Variants in BTRC observed in about 807,000 individuals in gnomAD.
BTRC encodes the protein F-box/WD repeat-containing protein 1A.
In BTRC, 42 loss-of-function variants were observed where a neutral mutation model predicts 85.5. That is an observed-to-expected ratio of 0.49 (90% CI 0.38 to 0.64). BTRC has a LOEUF of 0.64. Ranked by LOEUF, BTRC falls within the 30% of genes least tolerant of loss-of-function variation. The probability of loss-of-function intolerance (pLI) is 0.00; values close to 1 mark genes in which losing one functional copy is unlikely to be tolerated. For synonymous variants in BTRC, 255 were observed against 263.3 expected, an observed-to-expected ratio of 0.97 and a Z score of 0.30; for missense variants, 594 against 743.5, an observed-to-expected ratio of 0.80 and a Z score of 2.34.
At chr10:101,363,308 A>T (rs950265150) in intron 1 of BTRC, among the ~76,000 whole-genome samples, 1 of 152,206 alleles carries the variant, frequency 6.6e-6, no homozygotes, top group Non-Finnish European at 1.5e-5. Flanking sequence ...ACTTACGTGC[A>T]GTATACTTCC....
At chr10:101,430,633 C>T (rs1020623865) in intron 2 of BTRC, among the ~76,000 whole-genome samples, 181 bp downstream of exon 2, 4 of 152,130 alleles carry the variant, frequency 2.6e-5, no homozygotes, top group Admixed American at 2.0e-4. Context: ...CCAGACTGAT[C>T]CACTCTTAAG....
At chr10:101,432,490 C>A (rs1053187239) in intron 2 of BTRC, among the ~76,000 whole-genome samples, 8 of 152,092 alleles carry the variant, frequency 5.3e-5, no homozygotes, top group South Asian at 2.1e-4. Flanking sequence ...AATCCATAGT[C>A]TAGTTTGTTG....
At chr10:101,499,102 A>G (rs998578627) in intron 4 of BTRC, among the ~76,000 whole-genome samples, 3 of 152,128 alleles carry the variant, frequency 2.0e-5, no homozygotes, top group Non-Finnish European at 1.5e-5. Flanking sequence ...TCATATGACA[A>G]TTGTAGGAAG....
chr10:101,505,794 T>G (rs1244717933), intron 4 of BTRC, among the ~76,000 whole-genome samples: 1 of 152,174 alleles, frequency 6.6e-6, no homozygotes, highest in Non-Finnish European at 1.5e-5. Context: ...AGAAAATGAA[T>G]TAAACATTCT....
At chr10:101,539,289 G>A (rs764168551) in intron 13 of BTRC, among the ~76,000 whole-genome samples, 1 of 152,210 alleles carries the variant, frequency 6.6e-6, no homozygotes, top group Non-Finnish European at 1.5e-5. Context: ...TAGAAAATTA[G>A]TTGGAGCAAC....
intron 4 of BTRC, among the ~76,000 whole-genome samples, chr10:101,504,545 C>G (rs893968324): frequency 1.3e-5 from 2 of 152,102 alleles, no homozygotes; most frequent in Non-Finnish European, 2.9e-5. Flanking sequence ...ACCAACCCCA[C>G]TGCCTAGTAT....
In BTRC at chr10:101,499,245, C is replaced by T. The variant is rs576701422; in HGVS notation, c.324+19788C>T. On this transcript the variant is annotated intron_variant, in intron 4 of 14. Coordinates refer to ENST00000370187, the MANE Select transcript of BTRC (RefSeq NM_033637.4). ...TGGGCTTGTCTGACACTATGCAGTA[C>T]TACCTTTTTTTTGAGACAGGAGTCT... 2.6e-5 allele frequency among the ~76,000 whole-genome samples: 4 copies of T among 152,054 alleles called. No individual in the cohort carries two copies. In the South Asian group the frequency reaches 6.2e-4, roughly 24 times the overall value.
chr10:101,415,518 T>TGAGAC (rs1564758264), intron 1 of BTRC, among the ~76,000 whole-genome samples: 3 of 7,538 alleles, frequency 4.0e-4, no homozygotes, highest in Non-Finnish European at 1.7e-3. Context: ...TATGTTATGT[T>TGAGAC]ATGTTATGTT....
chr10:101,465,587 T>C (rs12242432), intron 3 of BTRC, among the ~76,000 whole-genome samples: 1,641 of 152,260 alleles, frequency 0.011, 28 homozygotes, highest in African/African-American at 0.038. Flanking sequence ...TCAACAAATA[T>C]TTAAGGAAGA....
In BTRC at chr10:101,383,397, T is replaced by TTA. The variant is rs1491437350; in HGVS notation, c.48+29169_48+29170insTA. On this transcript the variant is annotated intron_variant, in intron 1 of 14. Coordinates refer to ENST00000370187, the MANE Select transcript of BTRC (RefSeq NM_033637.4). Reference sequence around the variant, plus strand: ...TGTGGCTTCTATAAGTCTTCCTTTTTAAAAAAAAAAAAAAAGGCTAGTCAA... The same window carrying TTA: ...TGTGGCTTCTATAAGTCTTCCTTTTTTAAAAAAAAAAAAAAAAGGCTAGTCAA... Among the ~76,000 whole-genome samples the TTA allele has an allele frequency of 9.7e-4, 129 of 132,828 alleles. 1 individual carries two copies. Among genetic ancestry groups the TTA allele is most frequent in the Middle Eastern group, 3.6e-3 (1 of 278 alleles). 87.1% of individuals were successfully genotyped at this position (132,828 alleles called of 152,430 possible).
At chr10:101,474,770 A>G (rs140735919) in intron 3 of BTRC, among the ~76,000 whole-genome samples, 244 of 152,312 alleles carry the variant, frequency 1.6e-3, no homozygotes, top group African/African-American at 5.3e-3. Context: ...GGAAAAGCAC[A>G]TAAACACACA....
At chr10:101,437,332 C>G (rs2134099612) in intron 2 of BTRC, among the ~76,000 whole-genome samples, 1 of 152,214 alleles carries the variant, frequency 6.6e-6, no homozygotes, top group Non-Finnish European at 1.5e-5. Flanking sequence ...ACCCATATGC[C>G]TTCCACTTTA....
chr10:101,543,930 G>A (rs1244768635), intron 13 of BTRC, among the ~76,000 whole-genome samples: 2 of 152,146 alleles, frequency 1.3e-5, no homozygotes, highest in African/African-American at 4.8e-5. Context: ...GTTTGTTTGA[G>A]ACGGAGTCTT....
At position 101,354,171 on chromosome 10, in the gene BTRC, C is replaced by G. The variant is rs1234802701; in HGVS notation, c.-10C>G. 2 of 1,548,878 alleles carry G rather than the reference C, an allele frequency of 1.3e-6. No individual in the cohort carries two copies. Among genetic ancestry groups the G allele is most frequent in the Non-Finnish European group, 1.7e-6 (2 of 1,146,666 alleles). ...CCCGGCGGAGAGCGGACCCAGTGGC[C>G]TCGGCGATTATGGACCCGGCCGAGG... is the stretch of plus-strand genomic sequence containing the variant. On this transcript the variant is annotated 5_prime_UTR_variant, in exon 1 of 15. Coordinates refer to ENST00000370187, the MANE Select transcript of BTRC (RefSeq NM_033637.4).
chr10:101,514,600 G>A (rs891571135), intron 4 of BTRC, among the ~76,000 whole-genome samples: 30 of 152,062 alleles, frequency 2.0e-4, no homozygotes, highest in Non-Finnish European at 4.3e-4. Context: ...TTATAGGCGT[G>A]TGCCATGATG....
intron 2 of BTRC, among the ~76,000 whole-genome samples, chr10:101,455,506 G>A (rs761437730): frequency 6.6e-6 from 1 of 152,004 alleles, no homozygotes; most frequent in South Asian, 2.1e-4. Flanking sequence ...GTTTTTCTTC[G>A]GAGTAATTAA....
chr10:101,383,452 C>T (rs917096311), intron 1 of BTRC, among the ~76,000 whole-genome samples: 1 of 150,510 alleles, frequency 6.6e-6, no homozygotes, highest in African/African-American at 2.4e-5. Context: ...TGAACACCTG[C>T]ACTTGCCATT....
chr10:101,540,647 T>A (rs1312195696), intron 13 of BTRC, among the ~76,000 whole-genome samples: 1 of 152,202 alleles, frequency 6.6e-6, no homozygotes, highest in Non-Finnish European at 1.5e-5. Context: ...AAAAGTCTGC[T>A]GGGAATGTTT....
chr10:101,423,981 G>T (rs1239626534), intron 1 of BTRC, among the ~76,000 whole-genome samples: 1 of 152,172 alleles, frequency 6.6e-6, no homozygotes, highest in Non-Finnish European at 1.5e-5. Flanking sequence ...TGTAATCCCA[G>T]CACTTTGGGA....
Sources: allele counts gnomAD v4.1 joint callset (sites outside exome capture counted in the v4.1 genomes callset), GRCh38; gene constraint gnomAD v4.1.1; transcripts MANE v1.5; gene names NCBI Gene and HGNC (gene_info 2026-07-23, HGNC 2026-07-21).